SLCO5A1: variants seen among roughly 807,000 people sequenced by gnomAD.
SLCO5A1 encodes solute carrier organic anion transporter family member 5A1.
Under a neutral mutation model 65.1 loss-of-function variants are expected in SLCO5A1, and 39 were observed. The observed-to-expected ratio is 0.60, with a 90% CI of 0.46 to 0.78. The LOEUF (loss-of-function observed/expected upper bound fraction) is 0.78. Among genes scored for constraint, SLCO5A1 ranks in the 30% least tolerant of loss-of-function variants. The pLI is 0.00. For synonymous variants in SLCO5A1, 438 were observed against 415.7 expected, an observed-to-expected ratio of 1.05 and a Z score of -0.65; for missense variants, 1,029 against 1,069.4, an observed-to-expected ratio of 0.96 and a Z score of 0.53.
At chr8:69,686,542 T>C (rs1490715028) in intron 6 of SLCO5A1, among the ~76,000 whole-genome samples, 2 of 152,230 alleles carry the variant, frequency 1.3e-5, no homozygotes, top group Non-Finnish European at 2.9e-5. Flanking sequence ...GCATAAGTTG[T>C]CTCATTCATT....
At chr8:69,777,761 G>A (rs573706319) in intron 2 of SLCO5A1, among the ~76,000 whole-genome samples, 9 of 152,286 alleles carry the variant, frequency 5.9e-5, no homozygotes, top group South Asian at 4.1e-4. Flanking sequence ...CTACCCACGC[G>A]TTAGTCATCA....
At chr8:69,787,395 T>A (rs10110400) in intron 2 of SLCO5A1, among the ~76,000 whole-genome samples, 23 of 152,222 alleles carry the variant, frequency 1.5e-4, no homozygotes, top group African/African-American at 5.3e-4. Flanking sequence ...ATCAGCATCC[T>A]CATGTGCTTA....
At chr8:69,821,924 A>G (rs969890642) in intron 2 of SLCO5A1, among the ~76,000 whole-genome samples, 29 of 152,084 alleles carry the variant, frequency 1.9e-4, no homozygotes, top group African/African-American at 6.5e-4. Context: ...GACAGGAGCT[A>G]GAGACCAGCC....
In SLCO5A1 at chr8:69,673,044, C is replaced by T. The variant is rs759957081; in HGVS notation, c.2372G>A (p.Arg791Gln). 7 of 1,614,186 alleles carry T rather than the reference C, an allele frequency of 4.3e-6. No homozygotes were observed. The highest frequency in any genetic ancestry group is 2.2e-5 in the South Asian group (2 of 91,090). Residue 791 changes from arginine (R) to glutamine (Q), a missense_variant, in exon 10 of 10, where the codon CGG becomes CAG. By Grantham distance (43) the Arg-to-Gln change is conservative. This residue lies in a region of SLCO5A1 where 258 missense variants were observed against 237.4 expected (regional missense o/e 1.09). Coordinates refer to ENST00000260126, the MANE Select transcript of SLCO5A1 (RefSeq NM_030958.3). ...GCTGAAAGCTGGGCAAGATCTAGTC[C>T]GGGCATTGTCGGGGTGTCCCACTCT... ...SERVGHPDNA[R>Q]TRSCPAFSTQ... is the part of the protein sequence containing the mutation.
At chr8:69,803,562 C>A (rs1469082881) in intron 2 of SLCO5A1, among the ~76,000 whole-genome samples, 2 of 152,188 alleles carry the variant, frequency 1.3e-5, no homozygotes, top group Non-Finnish European at 2.9e-5. Flanking sequence ...AGCCTTGTTA[C>A]CAAACCAGGG....
chr8:69,825,651 C>T (rs1820851609), intron 2 of SLCO5A1, among the ~76,000 whole-genome samples: 3 of 152,214 alleles, frequency 2.0e-5, no homozygotes, highest in South Asian at 2.1e-4. Flanking sequence ...AATGGAAGAA[C>T]GTTCCATGCT....
chr8:69,690,304 G>T (rs913139921), intron 6 of SLCO5A1, among the ~76,000 whole-genome samples: 8 of 152,176 alleles, frequency 5.3e-5, no homozygotes, highest in Non-Finnish European at 1.2e-4. Context: ...ATTTACCTGT[G>T]CTTCATTGAA....
intron 2 of SLCO5A1, among the ~76,000 whole-genome samples, chr8:69,825,593 A>G (rs1820847853): frequency 6.6e-6 from 1 of 152,228 alleles, no homozygotes; most frequent in African/African-American, 2.4e-5. Context: ...GACCTCTTCA[A>G]GGAGAACTAC....
intron 6 of SLCO5A1, among the ~76,000 whole-genome samples, chr8:69,689,534 T>C (rs936171778): frequency 1.4e-5 from 2 of 140,922 alleles, no homozygotes; most frequent in Non-Finnish European, 3.0e-5. Flanking sequence ...AAGGAAGGGA[T>C]CCAGTTTCAG....
In SLCO5A1 at chr8:69,749,528, G is replaced by T. The variant is rs550122119; in HGVS notation, c.1258+5896C>A. On this transcript the variant is annotated intron_variant, in intron 4 of 9. Coordinates refer to ENST00000260126, the MANE Select transcript of SLCO5A1 (RefSeq NM_030958.3). ...AACTACTCAGGAGGCTGAGGCAGGA[G>T]AATCACTTGAGCCTTGGAGGCGGAG... Among the ~76,000 whole-genome samples the T allele has an allele frequency of 2.0e-5, 3 of 152,098 alleles. No homozygotes were observed. In the South Asian group the frequency reaches 6.2e-4, roughly 32 times the overall value.
In SLCO5A1 at chr8:69,668,768, T is replaced by C. The variant is rs553457064; in HGVS notation, c.*4101A>G. 6.6e-6 allele frequency: 1 copy of C among 152,242 alleles called. No individual in the cohort carries two copies. Among genetic ancestry groups the C allele is most frequent in the Admixed American group, 6.5e-5 (1 of 15,288 alleles). 9.4% of individuals were successfully genotyped at this position (152,242 alleles called of 1,614,324 possible). On this transcript the variant is annotated 3_prime_UTR_variant, in exon 10 of 10. Transcript: ENST00000260126. ...GGTTGGTGAACATGGAGGACCACCA[T>C]GACATCCATGAGGCCTTACTCCATG...
intron 1 of SLCO5A1, 98 bp downstream of exon 1, chr8:69,834,753 CACA>C (rs1821349277): frequency 6.9e-6 from 1 of 145,978 alleles, no homozygotes; most frequent in African/African-American, 2.7e-5. Context: ...CACACACACA[CACA>C]CACACACACA....
intron 7 of SLCO5A1, among the ~76,000 whole-genome samples, chr8:69,681,919 C>T (rs59795434): frequency 0.019 from 2,825 of 152,220 alleles, 76 homozygotes; most frequent in African/African-American, 0.065. Context: ...TATCAAGTTT[C>T]ACTGACTTGG....
At chr8:69,727,756 C>A (rs544242456) in intron 5 of SLCO5A1, among the ~76,000 whole-genome samples, 3 of 152,294 alleles carry the variant, frequency 2.0e-5, no homozygotes, top group Non-Finnish European at 2.9e-5. Context: ...CACAAAGATT[C>A]ATTCTTTTGA....
intron 2 of SLCO5A1, among the ~76,000 whole-genome samples, chr8:69,826,176 C>A (rs1452717170): frequency 6.6e-6 from 1 of 151,968 alleles, no homozygotes. Context: ...CCATAAAAAC[C>A]CTAGAAGAAA....
chr8:69,785,908 T>A (rs369400359), intron 2 of SLCO5A1, among the ~76,000 whole-genome samples: 2 of 152,216 alleles, frequency 1.3e-5, no homozygotes, highest in Admixed American at 1.3e-4. Flanking sequence ...TAGAGAATCC[T>A]GAATAGTCAT....
chr8:69,744,041 C>A (rs941575148), intron 4 of SLCO5A1, among the ~76,000 whole-genome samples: 2 of 152,140 alleles, frequency 1.3e-5, no homozygotes, highest in African/African-American at 4.8e-5. Context: ...GCTGCTGGGG[C>A]TTCTCCTCTC....
At chr8:69,705,532 T>C (rs1305424789) in intron 5 of SLCO5A1, among the ~76,000 whole-genome samples, 1 of 151,808 alleles carries the variant, frequency 6.6e-6, no homozygotes, top group Non-Finnish European at 1.5e-5. Flanking sequence ...AGACAAACAA[T>C]AAACACGTGA....
At chr8:69,711,683 G>T (rs532894033) in intron 5 of SLCO5A1, among the ~76,000 whole-genome samples, 1 of 152,316 alleles carries the variant, frequency 6.6e-6, no homozygotes, top group African/African-American at 2.4e-5. Flanking sequence ...CCACTTACAA[G>T]CTGCATGTCT....
Sources: allele counts gnomAD v4.1 joint callset (sites outside exome capture counted in the v4.1 genomes callset), GRCh38; gene constraint gnomAD v4.1.1; regional missense constraint gnomAD v4.1.1; transcripts MANE v1.5; gene names NCBI Gene and HGNC (gene_info 2026-07-23, HGNC 2026-07-21).